Variants in CD163 observed in about 807,000 individuals in gnomAD.
CD163 encodes CD163 molecule, also known as scavenger receptor cysteine-rich type 1 protein M130.
A neutral mutation model predicts 129.2 loss-of-function variants in CD163; 64 were observed. The observed-to-expected ratio is 0.50, with a 90% CI of 0.41 to 0.61. The LOEUF is 0.61. Among genes scored for constraint, CD163 ranks in the 20% least tolerant of loss-of-function variants. The pLI is 0.00. For missense variants in CD163, 1,061 were observed against 1,377.9 expected, an observed-to-expected ratio of 0.77 and a Z score of 3.64; for synonymous variants, 446 against 478.5, an observed-to-expected ratio of 0.93 and a Z score of 0.89.
chr12:7,490,325 T>C (rs1949311119), intron 6 of CD163, among the ~76,000 whole-genome samples: 1 of 151,932 alleles, frequency 6.6e-6, no homozygotes, highest in South Asian at 2.1e-4. Flanking sequence ...GTAGCTGAAA[T>C]TTAAAATATA....
intron 16 of CD163, among the ~76,000 whole-genome samples, chr12:7,476,614 G>A (rs1387499394): frequency 1.3e-5 from 2 of 152,060 alleles, no homozygotes; most frequent in African/African-American, 4.8e-5. Flanking sequence ...TTAAACATAA[G>A]ACCTAAAACC....
In CD163 at chr12:7,501,129, C is replaced by T. The variant is rs767237380; in HGVS notation, c.457+10G>A. The T allele has an allele frequency of 1.2e-6, 2 of 1,611,116 alleles. No homozygotes were observed. The highest frequency in any genetic ancestry group is 1.3e-5 in the African/African-American group (1 of 74,964). The stretch of plus-strand genomic sequence containing the variant: ...TTTTGTGTTGAGGCTTTGACTAATG[C>T]AAGTCTTACCTGAGCAGGTCACTCC... On this transcript the variant is annotated intron_variant, in intron 3 of 16. Transcript: ENST00000432237.
In CD163 at chr12:7,482,685, A is replaced by C. The variant is rs891206346; in HGVS notation, c.3205T>G (p.Phe1069Val). ...TGTCTTCGCTTTTTAGTCAAGAAGAATAATGCGACGAAAATGGCCAACAGA... is the reference window on the plus strand; with the variant it reads ...TGTCTTCGCTTTTTAGTCAAGAAGACTAATGCGACGAAAATGGCCAACAGA... ...VVLLAIFVALFFLTKKRRQRQ... is the reference protein window; with the variant it reads ...VVLLAIFVALVFLTKKRRQRQ... Residue 1069 changes from phenylalanine (F) to valine (V), a missense_variant, in exon 14 of 17, where the codon TTC (phenylalanine) becomes GTC (valine). By Grantham distance (50) the Phe-to-Val change is conservative. Transcript: ENST00000432237. 1 of 1,614,206 alleles carries C rather than the reference A, an allele frequency of 6.2e-7. No individual in the cohort carries two copies. Among genetic ancestry groups the C allele is most frequent in the Non-Finnish European group, 8.5e-7 (1 of 1,180,012 alleles).
At chr12:7,472,418 T>C (rs117692263) in intron 16 of CD163, among the ~76,000 whole-genome samples, 11,065 of 152,220 alleles carry the variant, frequency 0.073, 443 homozygotes, top group South Asian at 0.14. Context: ...TCGCTGGTAA[T>C]ACCCAGGCAA....
intron 6 of CD163, among the ~76,000 whole-genome samples, chr12:7,490,903 A>G (rs1949318736): frequency 6.6e-6 from 1 of 151,946 alleles, no homozygotes; most frequent in African/African-American, 2.4e-5. Context: ...ATAATTAATG[A>G]CCCTTGAGTG....
Position 7,495,261 on chromosome 12 carries a change from G to A in CD163, c.1240C>T (p.Leu414=). ...LKEADVVCRQ[L]GCGSALKTSY... ...GTTTTGAGTGCAGATCCACATCCCAGCTGCCTGCAAACCACATCAGCTTCT... is the reference window on the plus strand; with the variant it reads ...GTTTTGAGTGCAGATCCACATCCCAACTGCCTGCAAACCACATCAGCTTCT... The change falls in exon 6 of 17, where the codon CTG becomes TTG. Residue 414 remains leucine (L), a synonymous_variant. Coordinates refer to ENST00000432237, the MANE Select transcript of CD163 (RefSeq NM_203416.4). The A allele has an allele frequency of 6.2e-7, 1 of 1,614,120 alleles. No individual in the cohort carries two copies.
At chr12:7,500,345 C>T (rs1304129105) in intron 3 of CD163, among the ~76,000 whole-genome samples, 5 of 129,370 alleles carry the variant, frequency 3.9e-5, no homozygotes, top group Non-Finnish European at 6.3e-5. Flanking sequence ...TGCTTGAACC[C>T]GGGAGGTGGA....
intron 16 of CD163, among the ~76,000 whole-genome samples, chr12:7,478,723 A>C (rs1181672499): frequency 6.6e-6 from 1 of 151,064 alleles, no homozygotes; most frequent in Admixed American, 6.6e-5. Context: ...CTTAATCTAT[A>C]TTTCGTATAT....
chr12:7,474,380 C>G (rs1949055412), intron 16 of CD163, among the ~76,000 whole-genome samples: 1 of 152,140 alleles, frequency 6.6e-6, no homozygotes, highest in Admixed American at 6.5e-5. Flanking sequence ...AACAGTCTCT[C>G]AAACCACAGT....
chr12:7,482,722 G>A lies in CD163; in HGVS notation c.3168C>T (p.Ile1056=). The change falls in exon 14 of 17, where the codon ATC becomes ATT. Residue 1056 remains isoleucine (I), a synonymous_variant. Coordinates refer to ENST00000432237, the MANE Select transcript of CD163 (RefSeq NM_203416.4). ...SRQSSFIAVG[I]LGVVLLAIFV... The stretch of plus-strand genomic sequence containing the variant: ...AAATGGCCAACAGAACAACCCCAAG[G>A]ATCCCGACTGCAATAAAGGATGACT... 1 of 1,614,058 alleles carries A rather than the reference G, an allele frequency of 6.2e-7. No individual in the cohort carries two copies. Among genetic ancestry groups the A allele is most frequent in the Non-Finnish European group, 8.5e-7 (1 of 1,179,948 alleles).
rs1488691185 is a variant in CD163 at position 7,485,257 on chromosome 12, C to G, written c.2618G>C (p.Gly873Ala). 1 of 1,614,176 alleles carries G rather than the reference C, an allele frequency of 6.2e-7. No homozygotes were observed. The highest frequency in any genetic ancestry group is 8.5e-7 in the Non-Finnish European group (1 of 1,180,030). ...VCRQLGCADK[G>A]KINPASLDKA... The stretch of plus-strand genomic sequence containing the variant: ...GTCTAAAGATGCAGGGTTGATTTTC[C>G]CTTTGTCTGCACAGCCCAGCTGCCT... The change falls in exon 11 of 17, where the codon GGG (glycine) becomes GCG (alanine). Residue 873 changes from glycine (G) to alanine (A), a missense_variant. Gly to Ala is a moderately conservative substitution (Grantham distance 60). Transcript: ENST00000432237. The surrounding 1 kb of genome is among the most constrained non-coding windows in gnomAD (Gnocchi z 4.5).
chr12:7,482,265 T>A (rs1204440442), intron 14 of CD163, among the ~76,000 whole-genome samples: 1 of 152,166 alleles, frequency 6.6e-6, no homozygotes, highest in Middle Eastern at 3.2e-3. Context: ...CATTCTGAAC[T>A]TTCAATTCTG....
At position 7,502,534 on chromosome 12, in the gene CD163, G is replaced by A. The variant is rs1319784677; in HGVS notation, c.77C>T (p.Pro26Leu). Residue 26 changes from proline to leucine, a missense_variant, in exon 2 of 17, where the codon CCC (proline) becomes CTC (leucine). By Grantham distance (98) the Pro-to-Leu change is moderately conservative. Transcript: ENST00000432237. ...DFRRHFVNLS[P>L]FTITVVLLLS... ...AAGTAAGACCACAGTAATGGTGAAG[G>A]GACTCAAGTTGACAAAATGTCTTCT... 5 of 1,596,570 alleles carry A rather than the reference G, an allele frequency of 3.1e-6. No individual in the cohort carries two copies. Among genetic ancestry groups the A allele is most frequent in the African/African-American group, 1.3e-5 (1 of 74,480 alleles).
intron 6 of CD163, among the ~76,000 whole-genome samples, chr12:7,490,478 AT>A (rs1051709882): frequency 6.6e-6 from 1 of 152,046 alleles, no homozygotes; most frequent in African/African-American, 2.4e-5. Flanking sequence ...GATACAAACT[AT>A]TTCTTTTAAC....
rs769467902 is a variant in CD163 at position 7,496,080 on chromosome 12, G to A, written c.1100-679C>T. Among the ~76,000 whole-genome samples, 2 of 152,254 alleles carry A rather than the reference G, an allele frequency of 1.3e-5. No homozygotes were observed. Among genetic ancestry groups the A allele is most frequent in the East Asian group, 3.9e-4 (2 of 5,180 alleles). The stretch of plus-strand genomic sequence containing the variant: ...ACAAAGACTTGGAACCAACCCAAAT[G>A]CCCATCAATAATAGACTGGATAAAG... On this transcript the variant is annotated intron_variant, in intron 5 of 16. Transcript: ENST00000432237. The surrounding 1 kb of genome is among the most constrained non-coding windows in gnomAD (Gnocchi z 4.8).
At chr12:7,492,943 CA>C (rs771992754) in intron 6 of CD163, among the ~76,000 whole-genome samples, 16 of 152,194 alleles carry the variant, frequency 1.1e-4, no homozygotes, top group Non-Finnish European at 1.9e-4. Context: ...CCCACAGTTT[CA>C]AACGGCCTTA....
intron 16 of CD163, among the ~76,000 whole-genome samples, chr12:7,475,379 AG>A (rs1403922207): frequency 6.6e-6 from 1 of 152,210 alleles, no homozygotes; most frequent in Non-Finnish European, 1.5e-5. Flanking sequence ...TACATTAAAA[AG>A]CTTATCCACC....
Position 7,483,455 on chromosome 12 carries a change from C to T in CD163, c.3000G>A (p.Gly1000=), listed in dbSNP as rs144924673. Residue 1000 remains glycine, a synonymous_variant, in exon 12 of 17, where the codon GGG becomes GGA. Transcript: ENST00000432237. ...GACAATCCCACAAGGAAGACTCATTCCCTTTGCACTTCACTTCATTGAGCC... is the reference window on the plus strand; with the variant it reads ...GACAATCCCACAAGGAAGACTCATTTCCTTTGCACTTCACTTCATTGAGCC... ...PIWLNEVKCK[G]NESSLWDCPA... 1.8e-4 allele frequency: 298 copies of T among 1,614,008 alleles called. No homozygotes were observed. Among genetic ancestry groups the T allele is most frequent in the Non-Finnish European group, 2.1e-4 (246 of 1,180,004 alleles).
At position 7,486,896 on chromosome 12, in the gene CD163, A is replaced by G; in HGVS notation, c.2141T>C (p.Ile714Thr). 1.2e-6 allele frequency: 2 copies of G among 1,613,572 alleles called. No homozygotes were observed. Among genetic ancestry groups the G allele is most frequent in the Non-Finnish European group, 1.7e-6 (2 of 1,179,548 alleles). ...TIPEESAVAC[I>T]ESGQLRLVNG... Reference sequence around the variant, plus strand: ...ATAGATTTGTCACAGAGTCTTACCTATGCAGGCCACAGCACTTTCTTCTGG... The same window carrying G: ...ATAGATTTGTCACAGAGTCTTACCTGTGCAGGCCACAGCACTTTCTTCTGG... Residue 714 changes from isoleucine (I) to threonine (T), a missense_variant and splice_region_variant, in exon 9 of 17, where the codon ATA becomes ACA. Physicochemically the swap from Ile to Thr is moderately conservative, Grantham distance 89. Coordinates refer to ENST00000432237, the MANE Select transcript of CD163 (RefSeq NM_203416.4).
Sources: gnomAD v4.1 joint callset for allele counts (sites outside exome capture counted in the v4.1 genomes callset) on GRCh38, gnomAD v4.1.1 for gene constraint, Gnocchi (gnomAD v3.1) non-coding constraint, MANE v1.5 for transcripts, NCBI Gene and HGNC (gene_info 2026-07-23, HGNC 2026-07-21) for gene names.